The following SNX7 variants were observed in gnomAD, a reference collection of about 807,000 sequenced individuals.
SNX7 encodes sorting nexin-7.
In SNX7, 35 loss-of-function variants were observed where a neutral mutation model predicts 48.4. The ratio of observed to expected loss-of-function variants is 0.72; its 90% CI spans 0.55 to 0.96. SNX7 has a LOEUF of 0.96. Ranked by LOEUF, SNX7 falls within the 40% of genes least tolerant of loss-of-function variation. The pLI is 0.00. For synonymous variants in SNX7, 190 were observed against 190.2 expected (o/e 1.00, Z 0.01); for missense variants, 553 against 548.9 (o/e 1.01, Z -0.07).
intron 7 of SNX7, among the ~76,000 whole-genome samples, chr1:98,716,570 G>A (rs1183800157): frequency 6.6e-6 from 1 of 152,082 alleles, no homozygotes; most frequent in South Asian, 2.1e-4. Context: ...CCATGAGTAG[G>A]GGGTGATGAT....
chr1:98,731,033 AC>A (rs1653480110), intron 7 of SNX7, among the ~76,000 whole-genome samples: 1 of 151,978 alleles, frequency 6.6e-6, no homozygotes, highest in Non-Finnish European at 1.5e-5. Flanking sequence ...TAGGCTTAAT[AC>A]CTGGGTGATG....
intron 1 of SNX7, among the ~76,000 whole-genome samples, chr1:98,673,970 A>T (rs1570491231): frequency 6.6e-6 from 1 of 152,252 alleles, no homozygotes; most frequent in South Asian, 2.1e-4. Flanking sequence ...TTGTAGTGAG[A>T]TCTTCAGAGG....
intron 7 of SNX7, among the ~76,000 whole-genome samples, chr1:98,736,441 A>C (rs1653785202): frequency 6.6e-6 from 1 of 152,092 alleles, no homozygotes; most frequent in Non-Finnish European, 1.5e-5. Flanking sequence ...CAACAATTTT[A>C]TTATGGCTGT....
intron 8 of SNX7, among the ~76,000 whole-genome samples, chr1:98,747,826 A>G (rs1416802794): frequency 2.0e-5 from 3 of 152,118 alleles, no homozygotes; most frequent in African/African-American, 7.2e-5. Context: ...ATTCTTAAGT[A>G]TTATGTACTT....
At chr1:98,745,140 A>G (rs985763856) in intron 8 of SNX7, among the ~76,000 whole-genome samples, 1 of 152,054 alleles carries the variant, frequency 6.6e-6, no homozygotes, top group African/African-American at 2.4e-5. Flanking sequence ...AGAGTTGTTC[A>G]GCATAGTTTT....
At chr1:98,661,515 A>G (rs1195439059), upstream of SNX7, among the ~76,000 whole-genome samples, 2 of 152,058 alleles carry the variant, frequency 1.3e-5, no homozygotes, top group Non-Finnish European at 2.9e-5. Context: ...CCGGAGTCCG[A>G]GAGTCCCAGT....
At chr1:98,705,973 C>A (rs1157435696) in intron 7 of SNX7, among the ~76,000 whole-genome samples, 1 of 152,048 alleles carries the variant, frequency 6.6e-6, no homozygotes, top group East Asian at 1.9e-4. Context: ...TGCAGCAGGG[C>A]AGATCGTGGC....
At chr1:98,694,698 C>T (rs956142298) in intron 4 of SNX7, among the ~76,000 whole-genome samples, 1 of 139,784 alleles carries the variant, frequency 7.2e-6, no homozygotes, top group Non-Finnish European at 1.5e-5. Flanking sequence ...ACCTCTGCCT[C>T]CTGGGTTCAC....
At position 98,691,128 on chromosome 1, in the gene SNX7, A is replaced by G. The variant is rs777317049; in HGVS notation, c.417A>G (p.Gln139=). 3.7e-6 allele frequency: 6 copies of G among 1,610,426 alleles called. No homozygotes were observed. Among genetic ancestry groups the G allele is most frequent in the Admixed American group, 1.7e-5 (1 of 59,668 alleles). The change falls in exon 3 of 9, where the codon CAA becomes CAG. Residue 139 remains glutamine, a synonymous_variant. Coordinates refer to ENST00000306121, the MANE Select transcript of SNX7 (RefSeq NM_015976.5). ...AATTTGAAGTTAGGAGACGATATCA[A>G]GATTTCCTTTGGTTGAAGGGAAAAC... The part of the protein sequence containing the change: ...SSEFEVRRRY[Q]DFLWLKGKLE...
intron 1 of SNX7, among the ~76,000 whole-genome samples, chr1:98,673,133 C>T (rs1333061762): frequency 6.6e-6 from 1 of 152,124 alleles, no homozygotes; most frequent in Non-Finnish European, 1.5e-5. Context: ...TCACAGAGTG[C>T]TCCTCCCTTT....
At chr1:98,675,857 G>GA (rs1650131696) in intron 1 of SNX7, among the ~76,000 whole-genome samples, 1 of 151,976 alleles carries the variant, frequency 6.6e-6, no homozygotes, top group South Asian at 2.1e-4. Flanking sequence ...ACCTTGTTAA[G>GA]AAAAAAATCA....
chr1:98,737,716 G>A (rs1653860582), intron 7 of SNX7, among the ~76,000 whole-genome samples: 1 of 152,136 alleles, frequency 6.6e-6, no homozygotes, highest in Admixed American at 6.6e-5. Context: ...AGCTATCTGA[G>A]TAGAGTTTGC....
chr1:98,732,705 C>T (rs1167758117), intron 7 of SNX7, among the ~76,000 whole-genome samples: 4 of 151,922 alleles, frequency 2.6e-5, no homozygotes, highest in African/African-American at 4.8e-5. Context: ...AAAGAGGTAT[C>T]AAAGAGGTCA....
chr1:98,683,389 C>A (rs1281463628), intron 1 of SNX7, among the ~76,000 whole-genome samples: 1 of 152,096 alleles, frequency 6.6e-6, no homozygotes, highest in African/African-American at 2.4e-5. Context: ...GAGGAAACTT[C>A]CAACTATGGT....
Position 98,695,263 on chromosome 1 carries a change from A to G in SNX7, c.640-255A>G, listed in dbSNP as rs148129481. ...CTGTCGGTTAAACCCTGTTCTTTTAAAGATTTACGGTCTGAGGAAAGACTA... is the reference window on the plus strand; with the variant it reads ...CTGTCGGTTAAACCCTGTTCTTTTAGAGATTTACGGTCTGAGGAAAGACTA... On this transcript the variant is annotated intron_variant, in intron 4 of 8. Coordinates refer to ENST00000306121, the MANE Select transcript of SNX7 (RefSeq NM_015976.5). Among the ~76,000 whole-genome samples, 13 of 152,196 alleles carry G rather than the reference A, an allele frequency of 8.5e-5. No homozygotes were observed. In the East Asian group the frequency reaches 2.5e-3, roughly 29 times the overall value.
At chr1:98,739,748 G>A (rs930811618) in intron 8 of SNX7, among the ~76,000 whole-genome samples, 1 of 152,222 alleles carries the variant, frequency 6.6e-6, no homozygotes, top group Admixed American at 6.6e-5. Flanking sequence ...GTGTAGAAGG[G>A]AGAGAGAACA....
chr1:98,685,215 C>A, intron 2 of SNX7, 148 bp downstream of exon 2: 1 of 444,608 alleles, frequency 2.2e-6, no homozygotes, highest in Non-Finnish European at 3.9e-6. Flanking sequence ...TAACACATTG[C>A]TTCTTATCTG....
chr1:98,671,775 A>G (rs1335772581), intron 1 of SNX7, among the ~76,000 whole-genome samples: 1 of 152,172 alleles, frequency 6.6e-6, no homozygotes, highest in Non-Finnish European at 1.5e-5. Flanking sequence ...AATTTCAAAT[A>G]AATAGAATCA....
At position 98,701,934 on chromosome 1, in the gene SNX7, A is replaced by G. The variant is rs375941409; in HGVS notation, c.1125+31A>G. The G allele has an allele frequency of 5.4e-5, 79 of 1,470,522 alleles. No individual in the cohort carries two copies. The African/African-American group carries it at 5.9e-4, about 11-fold the overall frequency. The allele number at this position is 1,470,522 out of a possible 1,614,324, so 91.1% of individuals were successfully genotyped here. On this transcript the variant is annotated intron_variant, in intron 7 of 8. Transcript: ENST00000306121. ...TTTTTAAGTTTCTTGATACAATCAT[A>G]TAGAATTCATTGTCTAAAATTTTTA...
Sources: allele counts gnomAD v4.1 joint callset (sites outside exome capture counted in the v4.1 genomes callset), GRCh38; gene constraint gnomAD v4.1.1; transcripts MANE v1.5; gene names NCBI Gene and HGNC (gene_info 2026-07-23, HGNC 2026-07-21).